The following EPS15L1 variants were observed in gnomAD, a reference collection of about 807,000 sequenced individuals.
The protein encoded by EPS15L1 is epidermal growth factor receptor pathway substrate 15 like 1, also known as epidermal growth factor receptor substrate 15-like 1.
EPS15L1 carries 43 observed loss-of-function variants against 117.1 expected under a neutral mutation model. The observed-to-expected ratio is 0.37, with a 90% CI of 0.29 to 0.47. The LOEUF is 0.47. Among genes scored for constraint, EPS15L1 ranks in the 20% least tolerant of loss-of-function variants. The probability of loss-of-function intolerance (pLI) is 0.99; values close to 1 mark genes in which losing one functional copy is unlikely to be tolerated. For synonymous variants in EPS15L1, 459 were observed against 470.5 expected (o/e 0.98, Z 0.32); for missense variants, 981 against 1,164.0 (o/e 0.84, Z 2.29).
intron 1 of EPS15L1, among the ~76,000 whole-genome samples, chr19:16,449,993 A>G (rs74260252): frequency 0.025 from 3,781 of 152,136 alleles, 126 homozygotes; most frequent in Admixed American, 0.087. Context: ...GGGATAAGGA[A>G]GAGATGGGCT....
intron 16 of EPS15L1, chr19:16,401,944 C>A (rs546363161): frequency 1.9e-6 from 2 of 1,026,116 alleles, no homozygotes; most frequent in South Asian, 8.3e-5. Flanking sequence ...TGTCCCCTGC[C>A]CCCTGATTAG....
At chr19:16,421,856 C>T (rs968106904) in intron 9 of EPS15L1, among the ~76,000 whole-genome samples, 1 of 152,172 alleles carries the variant, frequency 6.6e-6, no homozygotes, top group Non-Finnish European at 1.5e-5. Flanking sequence ...GGAGAACCGG[C>T]CCGGCCACAT....
At chr19:16,412,558 C>T (rs1266494205) in intron 13 of EPS15L1, 1 of 152,416 alleles carries the variant, frequency 6.6e-6, no homozygotes, top group Non-Finnish European at 1.5e-5. Context: ...CACCTATAAT[C>T]CTAACACTTT....
At chr19:16,413,406 A>G (rs1248917820) in intron 13 of EPS15L1, 3 of 719,886 alleles carry the variant, frequency 4.2e-6, no homozygotes, top group Non-Finnish European at 4.9e-6. Context: ...CAACTTCGAC[A>G]AGGCCACCTT....
At chr19:16,364,906 T>A (rs765959094) in intron 22 of EPS15L1, among the ~76,000 whole-genome samples, 29 of 152,298 alleles carry the variant, frequency 1.9e-4, no homozygotes, top group Non-Finnish European at 1.0e-4. Context: ...CCCAGCAAAG[T>A]GGCCTCAACA....
intron 21 of EPS15L1, among the ~76,000 whole-genome samples, chr19:16,378,315 C>G (rs2092321449): frequency 6.6e-6 from 1 of 152,070 alleles, no homozygotes; most frequent in Admixed American, 6.6e-5. Flanking sequence ...TCTGAAGTCA[C>G]CCCTCCCCTC....
At chr19:16,460,025 C>T (rs769479119) in intron 1 of EPS15L1, among the ~76,000 whole-genome samples, 3 of 152,174 alleles carry the variant, frequency 2.0e-5, no homozygotes, top group Non-Finnish European at 4.4e-5. Flanking sequence ...CCTGTAATCC[C>T]AACACTTTGG....
chr19:16,398,989 A>T (rs1489616642), intron 16 of EPS15L1, among the ~76,000 whole-genome samples: 1 of 150,050 alleles, frequency 6.7e-6, no homozygotes. Context: ...GCATTTATTT[A>T]TAAGGTTTTT....
intron 21 of EPS15L1, among the ~76,000 whole-genome samples, chr19:16,379,461 C>A (rs2144713231): frequency 6.6e-6 from 1 of 152,334 alleles, no homozygotes; most frequent in South Asian, 2.1e-4. Context: ...AGTACAAAGG[C>A]ACACTCCCAG....
intron 1 of EPS15L1, among the ~76,000 whole-genome samples, chr19:16,460,431 T>G (rs764635698): frequency 2.6e-5 from 4 of 152,210 alleles, no homozygotes; most frequent in Non-Finnish European, 5.9e-5. Context: ...GCATTAAATG[T>G]GAATTAAAGG....
At chr19:16,363,328 G>C (rs530038272) in intron 22 of EPS15L1, among the ~76,000 whole-genome samples, 1 of 152,244 alleles carries the variant, frequency 6.6e-6, no homozygotes, top group South Asian at 2.1e-4. Context: ...TGTCCCTCCA[G>C]GGTTGACCTT....
intron 23 of EPS15L1, chr19:16,356,194 C>T (rs968278736): frequency 6.4e-5 from 23 of 359,758 alleles, no homozygotes; most frequent in Non-Finnish European, 4.2e-5. Context: ...GAACTTCCAG[C>T]GTGCATGGCT....
At chr19:16,434,597 A>C (rs907434399) in intron 6 of EPS15L1, 107 bp from the exon 7 acceptor site, 7 of 1,206,262 alleles carry the variant, frequency 5.8e-6, no homozygotes, top group Non-Finnish European at 8.2e-6. Context: ...ACCCATCATC[A>C]CCCTTGGCTA....
Position 16,395,414 on chromosome 19 carries a change from C to T in EPS15L1, c.1845G>A (p.Leu615=). The change falls in exon 17 of 24, where the codon TTG becomes TTA. Residue 615 remains leucine, a synonymous_variant. Coordinates refer to ENST00000455140, the MANE Select transcript of EPS15L1 (RefSeq NM_001258374.3). ...CTTCTGTCTGGAAAGGATCCGGATGCAACTCTTGCGTGTTGTTGCTAAATA... is the reference window on the plus strand; with the variant it reads ...CTTCTGTCTGGAAAGGATCCGGATGTAACTCTTGCGTGTTGTTGCTAAATA... ...ALLFSNNTQE[L]HPDPFQTEDP... The T allele has an allele frequency of 6.2e-7, 1 of 1,613,802 alleles. No individual in the cohort carries two copies. The highest frequency in any genetic ancestry group is 8.5e-7 in the Non-Finnish European group (1 of 1,179,744).
chr19:16,401,036 G>C, intron 16 of EPS15L1: 1 of 985,416 alleles, frequency 1.0e-6, no homozygotes, highest in Non-Finnish European at 1.2e-6. Flanking sequence ...CAGCCAGGGA[G>C]CAAAGCGAGG....
At chr19:16,413,152 G>A in intron 13 of EPS15L1, 2 of 664,546 alleles carry the variant, frequency 3.0e-6, no homozygotes, top group East Asian at 5.9e-5. Flanking sequence ...GCCATCCGCA[G>A]GGCCATCATA....
In EPS15L1 at chr19:16,418,126, T is replaced by C. The variant is rs201467796; in HGVS notation, c.951-22A>G. On this transcript the variant is annotated intron_variant, in intron 10 of 23. Transcript: ENST00000455140. ...GGCCCTGGGAGAAACGTGGGGATGC[T>C]AATTACACATCACAGGCGCCGACTC... is the stretch of plus-strand genomic sequence containing the variant. 923 of 1,604,408 alleles carry C rather than the reference T, an allele frequency of 5.8e-4. 6 individuals carry two copies. The African/African-American group carries it at 0.011, about 18-fold the overall frequency.
intron 21 of EPS15L1, among the ~76,000 whole-genome samples, chr19:16,380,215 A>G (rs1169055164): frequency 6.6e-6 from 1 of 151,850 alleles, no homozygotes; most frequent in Non-Finnish European, 1.5e-5. Flanking sequence ...ATCTAGTCAC[A>G]CCAAAGCGGC....
chr19:16,457,983 T>C (rs552596023), intron 1 of EPS15L1, among the ~76,000 whole-genome samples: 16 of 152,160 alleles, frequency 1.1e-4, no homozygotes, highest in African/African-American at 3.9e-4. Context: ...CTTTCCAAAG[T>C]GTACCCCGGG....
Sources: gnomAD v4.1 joint callset for allele counts (sites outside exome capture counted in the v4.1 genomes callset) on GRCh38, gnomAD v4.1.1 for gene constraint, MANE v1.5 for transcripts, NCBI Gene and HGNC (gene_info 2026-07-23, HGNC 2026-07-21) for gene names.